C4orf51: variants seen among roughly 807,000 people sequenced by gnomAD.
C4orf51 encodes chromosome 4 open reading frame 51, also known as uncharacterized protein C4orf51.
In C4orf51, 25 loss-of-function variants were observed where a neutral mutation model predicts 25.2. The observed-to-expected ratio is 0.99, with a 90% CI of 0.72 to 1.39. The LOEUF is 1.39. Among genes scored for constraint, C4orf51 ranks in the 40% most tolerant of loss-of-function variants. The pLI, the probability that C4orf51 is intolerant of heterozygous loss-of-function variation, is 0.00. For missense variants in C4orf51, 252 were observed against 239.6 expected, an observed-to-expected ratio of 1.05 and a Z score of -0.34; for synonymous variants, 100 against 84.5, an observed-to-expected ratio of 1.18 and a Z score of -1.01.
chr4:145,765,795 A>G lies in C4orf51; in HGVS notation n.167-5193A>G, dbSNP rs1735197479. The G allele has an allele frequency of 4.5e-6, 7 of 1,550,994 alleles. No individual in the cohort carries two copies. Among genetic ancestry groups the G allele is most frequent in the Non-Finnish European group, 6.1e-6 (7 of 1,138,704 alleles). ...ATGAGATGAAAATCCTCAGAATTAT[A>G]GCAACTGAGGGTGACGAGTTGAGTC... On this transcript the variant is annotated intron_variant and non_coding_transcript_variant, in intron 1 of 1. Transcript: ENST00000510096. This position sits in a 1 kb window ranked among gnomAD's most constrained non-coding sequence, Gnocchi z 4.7.
downstream of C4orf51, among the ~76,000 whole-genome samples, chr4:145,757,440 A>G (rs1403171876): frequency 6.6e-6 from 1 of 152,192 alleles, no homozygotes; most frequent in Non-Finnish European, 1.5e-5. Flanking sequence ...GATGTACATA[A>G]TAACAGTTTG....
chr4:145,724,904 GAAAGA>G (rs1199792534), intron 2 of C4orf51, among the ~76,000 whole-genome samples: 1 of 118,810 alleles, frequency 8.4e-6, no homozygotes, highest in Non-Finnish European at 1.8e-5. Flanking sequence ...AAAAAAAAAA[GAAAGA>G]AAAGAAGAAA....
At chr4:145,713,757 G>T (rs1252443888) in intron 2 of C4orf51, among the ~76,000 whole-genome samples, 1 of 151,940 alleles carries the variant, frequency 6.6e-6, no homozygotes, top group Non-Finnish European at 1.5e-5. Context: ...TTTAAATTAA[G>T]GTATGTCCAT....
At chr4:145,684,478 T>C (rs1438928490) in intron 1 of C4orf51, among the ~76,000 whole-genome samples, 1 of 152,076 alleles carries the variant, frequency 6.6e-6, no homozygotes, top group East Asian at 1.9e-4. Context: ...CGAGACTCTG[T>C]CTCAAACAAA....
At chr4:145,756,587 A>G (rs1044889728), downstream of C4orf51, among the ~76,000 whole-genome samples, 35 of 152,320 alleles carry the variant, frequency 2.3e-4, no homozygotes, top group African/African-American at 8.4e-4. Flanking sequence ...TTCAGGGAAA[A>G]TGTAAGGTAG....
intron 2 of C4orf51, among the ~76,000 whole-genome samples, chr4:145,709,316 T>C (rs1731006637): frequency 6.6e-6 from 1 of 152,200 alleles, no homozygotes; most frequent in Non-Finnish European, 1.5e-5. Context: ...AACTTACCCC[T>C]AGAGCATAAC....
chr4:145,761,283 G>A lies in C4orf51; in HGVS notation n.167-9705G>A, dbSNP rs754875110. Reference sequence around the variant, plus strand: ...CGCAGCTGAAGGTCTGGCGTGGGGCGTGCTTCAGCTTCTTGTGCAGGTTGA... The same window carrying A: ...CGCAGCTGAAGGTCTGGCGTGGGGCATGCTTCAGCTTCTTGTGCAGGTTGA... On this transcript the variant is annotated intron_variant and non_coding_transcript_variant, in intron 1 of 1. Coordinates refer to the C4orf51 transcript ENST00000510096. This position sits in a 1 kb window ranked among gnomAD's most constrained non-coding sequence, Gnocchi z 6.8. The A allele has an allele frequency of 2.6e-5, 33 of 1,289,822 alleles. 1 individual carries two copies. In the South Asian group the frequency reaches 2.6e-4, roughly 10 times the overall value. The allele number at this position is 1,289,822 out of a possible 1,614,324, so 79.9% of individuals were successfully genotyped here.
At chr4:145,758,714 G>A (rs1167218838), downstream of C4orf51, 1 of 152,212 alleles carries the variant, frequency 6.6e-6, no homozygotes, top group Non-Finnish European at 1.5e-5. Flanking sequence ...TTTCAAACCT[G>A]GCCAAGAGCA....
chr4:145,730,019 G>A, intron 5 of C4orf51, 54 bp downstream of exon 5: 1 of 1,505,818 alleles, frequency 6.6e-7, no homozygotes, highest in Non-Finnish European at 9.2e-7. Context: ...TAGTCAGGAA[G>A]CGGGGTTCTG....
intron 1 of C4orf51, among the ~76,000 whole-genome samples, chr4:145,739,981 C>T (rs1271090126): frequency 6.6e-6 from 1 of 152,110 alleles, no homozygotes; most frequent in Non-Finnish European, 1.5e-5. Context: ...TGGTATTCAA[C>T]CAGCAATAGC....
At chr4:145,706,506 A>T (rs184549768) in intron 2 of C4orf51, among the ~76,000 whole-genome samples, 2 of 152,354 alleles carry the variant, frequency 1.3e-5, no homozygotes, top group Admixed American at 1.3e-4. Flanking sequence ...TAGCCAAGGT[A>T]TGAGGGCAGT....
downstream of C4orf51, chr4:145,774,481 G>T: frequency 6.3e-7 from 1 of 1,599,602 alleles, no homozygotes. Context: ...GAAGGAGTGT[G>T]AGAAGGACAG....
At chr4:145,791,128 T>C in the C4orf51 span, among the ~76,000 whole-genome samples, 2 of 152,218 alleles carry the variant, frequency 1.3e-5, no homozygotes, top group Non-Finnish European at 2.9e-5. Context: ...ACTGGATGGC[T>C]TATAAACCAC....
At chr4:145,770,751 CTTAAAA>C (rs1325833113) in intron 1 of C4orf51, among the ~76,000 whole-genome samples, 41 of 151,970 alleles carry the variant, frequency 2.7e-4, no homozygotes, top group Non-Finnish European at 8.8e-5. Context: ...TAAATAGTAC[CTTAAAA>C]TTAAATTTAA....
At chr4:145,775,815 A>G (rs1435233825), downstream of C4orf51, 6 of 1,614,212 alleles carry the variant, frequency 3.7e-6, no homozygotes, top group Non-Finnish European at 5.1e-6. Context: ...GTTTCTTCCC[A>G]TCACTGCCTT....
chr4:145,774,433 C>T (rs1736730176), downstream of C4orf51: 15 of 1,516,610 alleles, frequency 9.9e-6, no homozygotes, highest in African/African-American at 2.7e-5. Context: ...GGGGATGCTT[C>T]GGCCAGGTGG....
intron 1 of C4orf51, among the ~76,000 whole-genome samples, chr4:145,681,350 C>T (rs1244317743): frequency 6.6e-6 from 1 of 152,150 alleles, no homozygotes; most frequent in Non-Finnish European, 1.5e-5. Context: ...CCATCCAGAC[C>T]TTTCCAAATC....
chr4:145,716,092 T>C (rs1731395090), intron 2 of C4orf51, among the ~76,000 whole-genome samples: 1 of 152,188 alleles, frequency 6.6e-6, no homozygotes, highest in Non-Finnish European at 1.5e-5. Flanking sequence ...CCCCCCAAAT[T>C]ATCTATTATC....
the C4orf51 span, among the ~76,000 whole-genome samples, chr4:145,784,154 T>C: frequency 1.3e-5 from 2 of 152,314 alleles, no homozygotes; most frequent in Admixed American, 1.3e-4. Flanking sequence ...TCATGCTTCC[T>C]GTACAGCCTA....
Sources: allele counts gnomAD v4.1 joint callset (sites outside exome capture counted in the v4.1 genomes callset), GRCh38; gene constraint gnomAD v4.1.1; non-coding constraint Gnocchi (gnomAD v3.1); transcripts MANE v1.5; gene names NCBI Gene and HGNC (gene_info 2026-07-23, HGNC 2026-07-21).